TMEM63B: variants seen among roughly 807,000 people sequenced by gnomAD.
The protein encoded by TMEM63B is mechanosensitive cation channel TMEM63B.
A neutral mutation model predicts 102.6 loss-of-function variants in TMEM63B; 23 were observed. The ratio of observed to expected loss-of-function variants is 0.22; its 90% CI spans 0.16 to 0.32. The LOEUF is 0.32. Among genes scored for constraint, TMEM63B ranks in the 10% least tolerant of loss-of-function variants. The probability of loss-of-function intolerance (pLI) is 1.00; values close to 1 mark genes in which losing one functional copy is unlikely to be tolerated. For synonymous variants in TMEM63B, 444 were observed against 437.0 expected (o/e 1.02, Z -0.20); for missense variants, 628 against 1,095.9 (o/e 0.57, Z 6.03).
Position 44,148,556 on chromosome 6 carries a change from TGCC to T in TMEM63B, c.1167_1169del (p.Arg390del), listed in dbSNP as rs1161942929. Reference sequence around the variant, plus strand: ...CGTGTGTAAATGCCAGGGCTGCACCTGCCGTGGGGAGCCACGCCCCTCATCCTG... The same window carrying T: ...CGTGTGTAAATGCCAGGGCTGCACCTGTGGGGAGCCACGCCCCTCATCCTG... On this transcript the variant is annotated inframe_deletion, in exon 14 of 24. Transcript: ENST00000323267. This position sits in a 1 kb window ranked among gnomAD's most constrained non-coding sequence, Gnocchi z 5.1. 2 of 1,614,232 alleles carry T rather than the reference TGCC, an allele frequency of 1.2e-6. No homozygotes were observed. The highest frequency in any genetic ancestry group is 1.7e-6 in the Non-Finnish European group (2 of 1,180,044).
Position 44,147,479 on chromosome 6 carries a change from T to C in TMEM63B, c.966T>C (p.Cys322=). The C allele has an allele frequency of 6.2e-7, 1 of 1,614,158 alleles. No homozygotes were observed. Among genetic ancestry groups the C allele is most frequent in the Non-Finnish European group, 8.5e-7 (1 of 1,180,016 alleles). The change falls in exon 12 of 24, where the codon TGT becomes TGC. Residue 322 remains cysteine (C), a synonymous_variant. Coordinates refer to ENST00000323267, the MANE Select transcript of TMEM63B (RefSeq NM_018426.3). ...AGCCCTGTGGCCACCTCTGCTGCTG[T>C]GTGGTGCGAGGCTGTGAGCAGGTAT... ...NPKPCGHLCC[C]VVRGCEQVEA...
intron 1 of TMEM63B, among the ~76,000 whole-genome samples, chr6:44,130,417 T>A (rs757448901): frequency 6.6e-6 from 1 of 152,186 alleles, no homozygotes; most frequent in African/African-American, 2.4e-5. Flanking sequence ...ACTACTTTTT[T>A]TTCTTTTTCT....
chr6:44,146,449 G>GTTT (rs1241550126), intron 10 of TMEM63B, among the ~76,000 whole-genome samples: 8 of 150,178 alleles, frequency 5.3e-5, no homozygotes, highest in South Asian at 2.1e-4. Context: ...GGAGATGTGG[G>GTTT]TTTTTTTGTC....
At chr6:44,147,652 A>G in intron 12 of TMEM63B, 152 bp downstream of exon 12, 1 of 1,138,274 alleles carries the variant, frequency 8.8e-7, no homozygotes, top group South Asian at 1.6e-5. Context: ...CCCTACAGTG[A>G]CCAGGTTTTC....
At chr6:44,149,277 C>G (rs1303948699) in intron 15 of TMEM63B, 1 of 413,170 alleles carries the variant, frequency 2.4e-6, no homozygotes, top group African/African-American at 2.0e-5. Flanking sequence ...TGGCTTTGGA[C>G]TTGGATTCTG....
intron 10 of TMEM63B, 121 bp downstream of exon 10, chr6:44,141,219 G>A (rs1764200695): frequency 1.0e-6 from 1 of 986,366 alleles, no homozygotes; most frequent in Non-Finnish European, 1.5e-6. Flanking sequence ...ATAGAGATTA[G>A]ATCCAGGAAG....
At chr6:44,147,288 C>T in intron 11 of TMEM63B, 89 bp from the exon 12 acceptor site, 2 of 1,595,572 alleles carry the variant, frequency 1.3e-6, no homozygotes, top group Middle Eastern at 3.4e-4. Context: ...AACAAGACAG[C>T]TCCTGTCCTT....
chr6:44,152,535 T>A lies in TMEM63B; in HGVS notation c.1837-58T>A. On this transcript the variant is annotated intron_variant, in intron 19 of 23. Transcript: ENST00000323267. This position sits in a 1 kb window ranked among gnomAD's most constrained non-coding sequence, Gnocchi z 6.4. Reference sequence around the variant, plus strand: ...GCTCCCTTCCCCCTCCCTCCTTCCCTGCCCCTCTGGTCAGTCCCTGCCTCC... The same window carrying A: ...GCTCCCTTCCCCCTCCCTCCTTCCCAGCCCCTCTGGTCAGTCCCTGCCTCC... 7.2e-6 allele frequency: 8 copies of A among 1,108,354 alleles called. No homozygotes were observed. Among genetic ancestry groups the A allele is most frequent in the African/African-American group, 3.1e-5 (2 of 64,438 alleles). The allele number at this position is 1,108,354 out of a possible 1,614,324, so 68.7% of individuals were successfully genotyped here. A position where few individuals can be genotyped will look rare whatever the true frequency, so the allele number is the denominator to read the frequency against.
Position 44,135,123 on chromosome 6 carries a change from C to A in TMEM63B, c.239+27C>A, listed in dbSNP as rs1213514441. On this transcript the variant is annotated intron_variant, in intron 3 of 23. Transcript: ENST00000323267. ...TAAGGGTCTGGGACCCTCCCTCTAG[C>A]TCTCCACACACACATCTTGTTCCAC... is the stretch of plus-strand genomic sequence containing the variant. The A allele has an allele frequency of 4.3e-6, 7 of 1,611,200 alleles. No homozygotes were observed. In the African/African-American group the frequency reaches 9.3e-5, roughly 22 times the overall value.
At chr6:44,145,963 G>A (rs1470067063) in intron 10 of TMEM63B, among the ~76,000 whole-genome samples, 1 of 152,084 alleles carries the variant, frequency 6.6e-6, no homozygotes, top group African/African-American at 2.4e-5. Flanking sequence ...ACAGGTCTGG[G>A]GTCAGTCTTT....
At position 44,154,730 on chromosome 6, in the gene TMEM63B, C is replaced by T. The variant is rs201256940; in HGVS notation, c.2346C>T (p.Asp782=). Residue 782 remains aspartate (D), a synonymous_variant, in exon 24 of 24, where the codon GAC becomes GAT. Coordinates refer to ENST00000323267, the MANE Select transcript of TMEM63B (RefSeq NM_018426.3). ...IAQVLQDSEV[D]GDGDGAPGSS... is the part of the protein sequence containing the mutation. The stretch of plus-strand genomic sequence containing the variant: ...AGGTGCTGCAGGACTCAGAGGTGGA[C>T]GGGGATGGGGATGGGGCTCCTGGGA... 1.8e-4 allele frequency: 277 copies of T among 1,581,974 alleles called. No individual in the cohort carries two copies. Among genetic ancestry groups the T allele is most frequent in the South Asian group, 1.2e-3 (100 of 86,310 alleles).
At chr6:44,131,913 C>T (rs989713699) in intron 1 of TMEM63B, among the ~76,000 whole-genome samples, 8 of 152,214 alleles carry the variant, frequency 5.3e-5, no homozygotes, top group South Asian at 2.1e-4. Flanking sequence ...GCAGGCACCT[C>T]GTGGAGTGGA....
At chr6:44,134,295 C>T (rs904546970) in intron 1 of TMEM63B, 2 of 431,258 alleles carry the variant, frequency 4.6e-6, no homozygotes, top group Non-Finnish European at 8.3e-6. Context: ...TACCTTCCAG[C>T]TTAATGAAAC....
At chr6:44,138,176 G>A (rs530965827) in intron 5 of TMEM63B, among the ~76,000 whole-genome samples, 3 of 152,048 alleles carry the variant, frequency 2.0e-5, no homozygotes, top group Admixed American at 2.0e-4. Flanking sequence ...AGAACCCCAA[G>A]CCCCACCCAT....
chr6:44,151,858 G>C lies in TMEM63B; in HGVS notation c.1686G>C (p.Leu562=). Residue 562 remains leucine (L), a synonymous_variant, in exon 19 of 24, where the codon CTG becomes CTC. Transcript: ENST00000323267. ...EAAIRFECVF[L]PDNGAFFVNY... ...CTGGTGCCCGCAGGTGTGTGTTCCTGCCCGACAACGGCGCCTTCTTCGTGA... is the reference window on the plus strand; with the variant it reads ...CTGGTGCCCGCAGGTGTGTGTTCCTCCCCGACAACGGCGCCTTCTTCGTGA... The C allele has an allele frequency of 6.2e-7, 1 of 1,611,476 alleles. No individual in the cohort carries two copies. Among genetic ancestry groups the C allele is most frequent in the Non-Finnish European group, 8.5e-7 (1 of 1,178,988 alleles).
At chr6:44,147,052 G>A (rs1304648048) in intron 11 of TMEM63B, 125 bp downstream of exon 11, 10 of 1,077,298 alleles carry the variant, frequency 9.3e-6, no homozygotes, top group South Asian at 2.7e-5. Flanking sequence ...AATTCAACTC[G>A]TTGGTGTGCC....
At chr6:44,149,019 A>T (rs765440467) in intron 15 of TMEM63B, 74 bp downstream of exon 15, 2 of 1,608,164 alleles carry the variant, frequency 1.2e-6, no homozygotes, top group African/African-American at 2.7e-5. Context: ...TCCCTCTTCC[A>T]CTTGCCCAGC....
chr6:44,143,272 G>A (rs1298920666), intron 10 of TMEM63B, among the ~76,000 whole-genome samples: 1 of 152,206 alleles, frequency 6.6e-6, no homozygotes, highest in African/African-American at 2.4e-5. Flanking sequence ...AACCTTCTAT[G>A]TGCCAGGCAC....
chr6:44,134,921 T>C, intron 2 of TMEM63B, 96 bp from the exon 3 acceptor site: 3 of 1,528,992 alleles, frequency 2.0e-6, no homozygotes, highest in Non-Finnish European at 2.7e-6. Flanking sequence ...GGTCATCCCC[T>C]TCTAAGACAA....
Sources: allele counts gnomAD v4.1 joint callset (sites outside exome capture counted in the v4.1 genomes callset), GRCh38; gene constraint gnomAD v4.1.1; non-coding constraint Gnocchi (gnomAD v3.1); transcripts MANE v1.5; gene names NCBI Gene and HGNC (gene_info 2026-07-23, HGNC 2026-07-21).